MARCHF8: variants seen among roughly 807,000 people sequenced by gnomAD.
The protein encoded by MARCHF8 is membrane associated ring-CH-type finger 8.
In MARCHF8, 40 loss-of-function variants were observed where a neutral mutation model predicts 51.6. The observed-to-expected ratio is 0.77, with a 90% CI of 0.60 to 1.01. The LOEUF (loss-of-function observed/expected upper bound fraction) is 1.01, where lower values mean the gene tolerates loss of function less well. Among genes scored for constraint, MARCHF8 ranks in the 50% least tolerant of loss-of-function variants. MARCHF8 has a pLI of 0.00. For missense variants in MARCHF8, 685 were observed against 708.6 expected (o/e 0.97, Z 0.38); for synonymous variants, 263 against 280.3 (o/e 0.94, Z 0.62).
intron 2 of MARCHF8, among the ~76,000 whole-genome samples, chr10:45,524,969 T>C (rs1225156026): frequency 6.6e-6 from 1 of 152,258 alleles, no homozygotes; most frequent in African/African-American, 2.4e-5. Flanking sequence ...ACTGCAATGT[T>C]AAAATTCAAG....
intron 3 of MARCHF8, among the ~76,000 whole-genome samples, chr10:45,480,123 T>C (rs2042858925): frequency 6.6e-6 from 1 of 152,226 alleles, no homozygotes; most frequent in South Asian, 2.1e-4. Flanking sequence ...ATTTTGCCCC[T>C]GATGTGTGGA....
At chr10:45,516,086 T>TA (rs1408050216) in intron 2 of MARCHF8, among the ~76,000 whole-genome samples, 1 of 152,180 alleles carries the variant, frequency 6.6e-6, no homozygotes, top group African/African-American at 2.4e-5. Flanking sequence ...AATGAGAGGA[T>TA]AAGAGGGCCT....
intron 1 of MARCHF8, among the ~76,000 whole-genome samples, chr10:45,589,241 T>C (rs2044651382): frequency 6.6e-6 from 1 of 152,066 alleles, no homozygotes; most frequent in African/African-American, 2.4e-5. Context: ...TCAAAGTCTA[T>C]CATGGGGTTG....
intron 1 of MARCHF8, among the ~76,000 whole-genome samples, chr10:45,580,252 T>C (rs144214587): frequency 1.3e-5 from 2 of 152,072 alleles, no homozygotes; most frequent in East Asian, 1.9e-4. Context: ...AAATATGACA[T>C]AATAAATGTT....
upstream of MARCHF8, among the ~76,000 whole-genome samples, chr10:45,539,425 A>C (rs2044019901): frequency 6.6e-6 from 1 of 152,226 alleles, no homozygotes; most frequent in Admixed American, 6.5e-5. Flanking sequence ...AAGCAAGAGC[A>C]AACACATTCA....
chr10:45,501,001 C>CA (rs901165975), intron 2 of MARCHF8, among the ~76,000 whole-genome samples: 12 of 151,190 alleles, frequency 7.9e-5, no homozygotes, highest in Non-Finnish European at 1.2e-4. Context: ...GCTGATGCTG[C>CA]AAAAAAAATT....
At chr10:45,577,411 T>A (rs1206000358) in intron 1 of MARCHF8, among the ~76,000 whole-genome samples, 1 of 152,090 alleles carries the variant, frequency 6.6e-6, no homozygotes, top group African/African-American at 2.4e-5. Context: ...CATGAGGGGA[T>A]GTATACCCTA....
Position 45,463,194 on chromosome 10 carries a change from A to G in MARCHF8, c.1045T>C (p.Leu349=), listed in dbSNP as rs1842849067. Residue 349 remains leucine, a synonymous_variant, in exon 5 of 8, where the codon TTA becomes CTA. Coordinates refer to ENST00000453424, the MANE Select transcript of MARCHF8 (RefSeq NM_001282866.2). ...GTGGACACGGGAGATATGGGGGGTA[A>G]TTTTTCAGAGAAGGGAGAAGGACAA... is the stretch of plus-strand genomic sequence containing the variant. ...LDCPSPFSEK[L]PPISPVSTSG... The G allele has an allele frequency of 6.4e-7, 1 of 1,550,434 alleles. No homozygotes were observed. Among genetic ancestry groups the G allele is most frequent in the South Asian group, 1.2e-5 (1 of 84,058 alleles).
intron 1 of MARCHF8, among the ~76,000 whole-genome samples, chr10:45,588,068 T>C (rs1378343131): frequency 6.6e-6 from 1 of 151,538 alleles, no homozygotes; most frequent in Non-Finnish European, 1.5e-5. Context: ...CTATAAAACC[T>C]CTAGAACATA....
intron 2 of MARCHF8, among the ~76,000 whole-genome samples, chr10:45,525,776 C>G (rs1589150627): frequency 6.6e-6 from 1 of 152,140 alleles, no homozygotes; most frequent in South Asian, 2.1e-4. Flanking sequence ...AACCTATAAC[C>G]CTAGTCTAGT....
rs145085744 is a variant in MARCHF8, at chr10:45,533,608, CT to C, written c.-78-320del. On this transcript the variant is annotated intron_variant, in intron 1 of 7. Coordinates refer to ENST00000453424, the MANE Select transcript of MARCHF8 (RefSeq NM_001282866.2). ...TTTTAAGAATATTTTTGAAGTTAAA[CT>C]TTTTTTTTTATCATGACCAAGCATT... Among the ~76,000 whole-genome samples the C allele has an allele frequency of 5.8e-3, 862 of 149,492 alleles. 6 individuals are homozygous for C. Among genetic ancestry groups the C allele is most frequent in the African/African-American group, 0.02 (809 of 40,804 alleles).
At chr10:45,473,391 T>C (rs1373497092) in intron 3 of MARCHF8, among the ~76,000 whole-genome samples, 1 of 152,244 alleles carries the variant, frequency 6.6e-6, no homozygotes, top group Non-Finnish European at 1.5e-5. Flanking sequence ...AGAGCCAGGC[T>C]GGCTAGGGGG....
chr10:45,536,338 T>C (rs893262185), upstream of MARCHF8, among the ~76,000 whole-genome samples: 2 of 151,950 alleles, frequency 1.3e-5, no homozygotes, highest in African/African-American at 4.8e-5. Flanking sequence ...CTGGGACAAC[T>C]AGATAGCCAC....
chr10:45,468,526 C>T (rs1308642691), intron 3 of MARCHF8, among the ~76,000 whole-genome samples: 1 of 152,190 alleles, frequency 6.6e-6, no homozygotes, highest in African/African-American at 2.4e-5. Flanking sequence ...AGCAAATTTG[C>T]CCATCTGATT....
At chr10:45,536,880 TAAA>T (rs1221463888), upstream of MARCHF8, among the ~76,000 whole-genome samples, 7 of 145,346 alleles carry the variant, frequency 4.8e-5, no homozygotes, top group East Asian at 2.0e-4. Context: ...ATAATAATAA[TAAA>T]GACAAATAAC....
chr10:45,492,297 C>CT (rs1011617258), intron 2 of MARCHF8, among the ~76,000 whole-genome samples: 145 of 146,712 alleles, frequency 9.9e-4, no homozygotes, highest in South Asian at 4.3e-3. Flanking sequence ...TCTTCTTCTT[C>CT]TTTTTTTTTT....
At chr10:45,538,209 G>A (rs575964973), upstream of MARCHF8, among the ~76,000 whole-genome samples, 2 of 152,262 alleles carry the variant, frequency 1.3e-5, no homozygotes, top group Admixed American at 1.3e-4. Flanking sequence ...TTCATATCCA[G>A]CCAAACTAAG....
intron 1 of MARCHF8, among the ~76,000 whole-genome samples, chr10:45,573,297 T>C (rs1176130046): frequency 6.6e-6 from 1 of 152,214 alleles, no homozygotes; most frequent in African/African-American, 2.4e-5. Flanking sequence ...CAGGACTTAA[T>C]TAACCTCTCC....
chr10:45,466,778 T>G (rs532527880), intron 3 of MARCHF8, among the ~76,000 whole-genome samples: 1 of 152,232 alleles, frequency 6.6e-6, no homozygotes, highest in Admixed American at 6.5e-5. Context: ...GATGGGAAAT[T>G]AAAGTTCTGA....
Sources: allele counts gnomAD v4.1 joint callset (sites outside exome capture counted in the v4.1 genomes callset), GRCh38; gene constraint gnomAD v4.1.1; transcripts MANE v1.5; gene names NCBI Gene and HGNC (gene_info 2026-07-23, HGNC 2026-07-21).